Variants in TMEM62 observed in about 807,000 individuals in gnomAD.
TMEM62 encodes transmembrane protein 62.
A neutral mutation model predicts 70.4 loss-of-function variants in TMEM62; 41 were observed. The observed-to-expected ratio is 0.58, with a 90% CI of 0.45 to 0.76. The LOEUF (loss-of-function observed/expected upper bound fraction) is 0.76, where lower values mean the gene tolerates loss of function less well. TMEM62 is among the 30% of genes least tolerant of loss of function. The pLI, the probability that TMEM62 is intolerant of heterozygous loss-of-function variation, is 0.00. For synonymous variants in TMEM62, 268 were observed against 291.0 expected (o/e 0.92, Z 0.80); for missense variants, 688 against 788.5 (o/e 0.87, Z 1.53).
rs1196891486 is a variant in TMEM62, at chr15:43,134,316, AT to A, written c.242del (p.Phe81SerfsTer15). On this transcript the variant is annotated frameshift_variant, in exon 2 of 14. Coordinates refer to ENST00000260403, the MANE Select transcript of TMEM62 (RefSeq NM_024956.4). LOFTEE classifies it high-confidence loss of function. The stretch of plus-strand genomic sequence containing the variant: ...CAGGCAGAGCGGTAGACTTAGAGAA[AT>A]TCTGTTCTGAAACTATTGACATCAT... ...DPGRAVDLEK[F>X]CSETIDIIQP... The A allele has an allele frequency of 6.2e-7, 1 of 1,614,160 alleles. No homozygotes were observed. The highest frequency in any genetic ancestry group is 1.1e-5 in the South Asian group (1 of 91,084).
intron 10 of TMEM62, among the ~76,000 whole-genome samples, chr15:43,164,355 T>C (rs2039121467): frequency 1.3e-5 from 2 of 152,212 alleles, no homozygotes; most frequent in South Asian, 2.1e-4. Flanking sequence ...GAGTGGTTTA[T>C]GTACCACAAT....
chr15:43,155,183 T>C (rs1209769223), intron 9 of TMEM62, among the ~76,000 whole-genome samples: 2 of 152,036 alleles, frequency 1.3e-5, no homozygotes, highest in Non-Finnish European at 2.9e-5. Flanking sequence ...TGAGCTGAGA[T>C]TGCACCACTG....
At chr15:43,156,763 T>C (rs918859550) in intron 9 of TMEM62, among the ~76,000 whole-genome samples, 3 of 152,180 alleles carry the variant, frequency 2.0e-5, no homozygotes, top group Non-Finnish European at 4.4e-5. Context: ...TTATACATAA[T>C]AACATAATAA....
At chr15:43,148,346 G>C (rs906173056) in intron 5 of TMEM62, among the ~76,000 whole-genome samples, 11 of 152,088 alleles carry the variant, frequency 7.2e-5, no homozygotes, top group Non-Finnish European at 1.6e-4. Flanking sequence ...ACTTGTTGAT[G>C]GTTTCTAGTT....
At chr15:43,178,559 C>A in intron 11 of TMEM62, 48 bp from the exon 12 acceptor site, 2 of 1,197,636 alleles carry the variant, frequency 1.7e-6, no homozygotes, top group Non-Finnish European at 2.5e-6. Flanking sequence ...CATAAAGAAA[C>A]TGAACTTTGC....
At chr15:43,173,855 CTTTTTTTTTTTTTT>C (rs751203696) in intron 11 of TMEM62, among the ~76,000 whole-genome samples, 1 of 107,388 alleles carries the variant, frequency 9.3e-6, no homozygotes, top group Non-Finnish European at 1.9e-5. Flanking sequence ...AATGCAGGAA[CTTTTTTTTTTTTTT>C]TTTTTTTTTA....
At chr15:43,170,543 C>T (rs1432468878) in intron 11 of TMEM62, among the ~76,000 whole-genome samples, 2 of 151,748 alleles carry the variant, frequency 1.3e-5, no homozygotes, top group African/African-American at 4.9e-5. Context: ...TAAACAAAAA[C>T]CTTTCAAAGC....
At chr15:43,152,910 T>G (rs1303220343) in intron 8 of TMEM62, among the ~76,000 whole-genome samples, 1 of 152,216 alleles carries the variant, frequency 6.6e-6, no homozygotes, top group Non-Finnish European at 1.5e-5. Context: ...TTATTAGCAC[T>G]TCTGAGTATT....
intron 1 of TMEM62, 41 bp downstream of exon 1, chr15:43,134,023 C>A: frequency 7.0e-7 from 1 of 1,438,390 alleles, no homozygotes; most frequent in South Asian, 1.5e-5. Context: ...AGGTGCAGAT[C>A]GGGCACCGTG....
intron 7 of TMEM62, among the ~76,000 whole-genome samples, chr15:43,150,787 CATG>C (rs2037268067): frequency 6.6e-6 from 1 of 152,174 alleles, no homozygotes; most frequent in African/African-American, 2.4e-5. Flanking sequence ...GGACCACAGG[CATG>C]ATATGTGTCA....
At chr15:43,167,917 C>T (rs2141952703) in intron 10 of TMEM62, among the ~76,000 whole-genome samples, 1 of 152,272 alleles carries the variant, frequency 6.6e-6, no homozygotes, top group South Asian at 2.1e-4. Context: ...TGGTTAGGAG[C>T]TGGAGACCAG....
At chr15:43,167,602 T>G (rs1446836070) in intron 10 of TMEM62, among the ~76,000 whole-genome samples, 3 of 144,188 alleles carry the variant, frequency 2.1e-5, no homozygotes, top group Non-Finnish European at 4.5e-5. Flanking sequence ...TTTCTAGATG[T>G]GATGGCGGCC....
chr15:43,165,246 CT>C (rs140517897), intron 10 of TMEM62, among the ~76,000 whole-genome samples: 80,374 of 148,102 alleles, frequency 0.54, 25,349 homozygotes, highest in Non-Finnish European at 0.68. Context: ...GTGCTTCATT[CT>C]TTTTTTTTTT....
Position 43,178,477 on chromosome 15 carries a change from G to A in TMEM62, c.1382-130G>A, listed in dbSNP as rs899354520. 7 of 602,556 alleles carry A rather than the reference G, an allele frequency of 1.2e-5. No homozygotes were observed. In the East Asian group the frequency reaches 1.7e-4, roughly 15 times the overall value. 37.3% of individuals were successfully genotyped at this position (602,556 alleles called of 1,614,324 possible). On this transcript the variant is annotated intron_variant, in intron 11 of 13. Coordinates refer to ENST00000260403, the MANE Select transcript of TMEM62 (RefSeq NM_024956.4). ...TTCTGAATTTAAAGTGGTGTCATCTGTATAGTTACCATCTAACAAAGGATT... is the reference window on the plus strand; with the variant it reads ...TTCTGAATTTAAAGTGGTGTCATCTATATAGTTACCATCTAACAAAGGATT...
chr15:43,145,508 A>T (rs1243577044), intron 4 of TMEM62, among the ~76,000 whole-genome samples: 2 of 152,152 alleles, frequency 1.3e-5, no homozygotes, highest in Admixed American at 1.3e-4. Context: ...CCTGGCCCTG[A>T]AATGGAAATT....
intron 11 of TMEM62, among the ~76,000 whole-genome samples, chr15:43,170,530 C>T (rs2040071023): frequency 6.6e-6 from 1 of 151,938 alleles, no homozygotes; most frequent in Non-Finnish European, 1.5e-5. Flanking sequence ...AGTTCTGTGG[C>T]TGTAAACAAA....
intron 3 of TMEM62, among the ~76,000 whole-genome samples, chr15:43,136,476 A>G (rs1414607498): frequency 6.6e-6 from 1 of 151,904 alleles, no homozygotes; most frequent in East Asian, 1.9e-4. Flanking sequence ...ACAGAGTCTC[A>G]CTCTATCACC....
rs1426373042 is a variant in TMEM62 at position 43,149,166 on chromosome 15, C to A, written c.866+15C>A. The A allele has an allele frequency of 2.5e-6, 4 of 1,612,674 alleles. No individual in the cohort carries two copies. The highest frequency in any genetic ancestry group is 3.4e-6 in the Non-Finnish European group (4 of 1,179,410). On this transcript the variant is annotated intron_variant, in intron 7 of 13. Transcript: ENST00000260403. ...GATAATAGGAGGTAAGGGAACCTCC[C>A]CATAGAAGAAAACTTATACACATAA...
intron 8 of TMEM62, 92 bp downstream of exon 8, chr15:43,152,037 G>A: frequency 1.1e-6 from 1 of 952,128 alleles, no homozygotes; most frequent in South Asian, 2.2e-5. Flanking sequence ...GCTATGAGAT[G>A]CCCCATTTTA....
Sources: allele counts gnomAD v4.1 joint callset (sites outside exome capture counted in the v4.1 genomes callset), GRCh38; gene constraint gnomAD v4.1.1; transcripts MANE v1.5; gene names NCBI Gene and HGNC (gene_info 2026-07-23, HGNC 2026-07-21).